PLEKHG1: variants seen among roughly 807,000 people sequenced by gnomAD.
PLEKHG1 encodes the protein pleckstrin homology and RhoGEF domain containing G1, also known as pleckstrin homology domain-containing family G member 1.
PLEKHG1 carries 44 observed loss-of-function variants against 100.8 expected under a neutral mutation model. The observed-to-expected ratio is 0.44, with a 90% confidence interval of 0.34 to 0.56. The LOEUF (loss-of-function observed/expected upper bound fraction) is 0.56, where lower values mean the gene tolerates loss of function less well. PLEKHG1 is among the 20% of genes least tolerant of loss of function. The probability of loss-of-function intolerance (pLI) is 0.01; values close to 1 mark genes in which losing one functional copy is unlikely to be tolerated. For synonymous variants in PLEKHG1, 640 were observed against 662.5 expected, an observed-to-expected ratio of 0.97 and a Z score of 0.52; for missense variants, 1,545 against 1,720.9, an observed-to-expected ratio of 0.90 and a Z score of 1.81.
At chr6:150,696,815 T>C (rs1199708471) in intron 3 of PLEKHG1, among the ~76,000 whole-genome samples, 1 of 152,078 alleles carries the variant, frequency 6.6e-6, no homozygotes, top group African/African-American at 2.4e-5. Flanking sequence ...GCTTTAGAAA[T>C]CAAACTATAG....
At chr6:150,773,416 C>T (rs1465228346) in intron 3 of PLEKHG1, among the ~76,000 whole-genome samples, 1 of 152,184 alleles carries the variant, frequency 6.6e-6, no homozygotes, top group Non-Finnish European at 1.5e-5. Flanking sequence ...TGCCTGTAAT[C>T]CCAGCTACTC....
intron 1 of PLEKHG1, among the ~76,000 whole-genome samples, chr6:150,606,621 T>C (rs1298876588): frequency 6.6e-6 from 1 of 152,254 alleles, no homozygotes; most frequent in East Asian, 1.9e-4. Context: ...ACCTGTTTTC[T>C]GCGCTCACTT....
At chr6:150,819,825 G>T (rs999461510) in intron 12 of PLEKHG1, 51 bp downstream of exon 13, 2 of 1,009,006 alleles carry the variant, frequency 2.0e-6, no homozygotes, top group Admixed American at 1.7e-5. Context: ...GACTGGCAAT[G>T]AAAGTCCCTT....
Position 150,788,730 on chromosome 6 carries a change from A to G in PLEKHG1, c.582+2271A>G, listed in dbSNP as rs937631488. On this transcript the variant is annotated intron_variant, in intron 4 of 15. Coordinates refer to ENST00000358517, the Ensembl canonical transcript of PLEKHG1. ...ACTGGCAGCAAGGCTGACCCAGGGC[A>G]ACGTTTAGGAGGGAGACAAAGTCTG... Among the ~76,000 whole-genome samples the G allele has an allele frequency of 2.6e-5, 4 of 152,286 alleles. No homozygotes were observed. In the South Asian group the frequency reaches 8.3e-4, roughly 32 times the overall value.
At position 150,631,726 on chromosome 6, in the gene PLEKHG1, C is replaced by T. The variant is rs557108679; in HGVS notation, c.-203-6354C>T. ...CTTGCTGGCAACCGCTCCCCACCTA[C>T]AGATGCTTCAGAGCATCCGTAGAGC... is the stretch of plus-strand genomic sequence containing the variant. On this transcript the variant is annotated intron_variant, in intron 1 of 3. Coordinates refer to the PLEKHG1 transcript ENST00000367326. Among the ~76,000 whole-genome samples the T allele has an allele frequency of 4.0e-4, 61 of 152,334 alleles. 2 individuals are homozygous for T. Among genetic ancestry groups the T allele is most frequent in the Middle Eastern group, 3.4e-3 (1 of 294 alleles).
intron 3 of PLEKHG1, among the ~76,000 whole-genome samples, chr6:150,697,280 T>G (rs1780583272): frequency 6.6e-6 from 1 of 152,196 alleles, no homozygotes; most frequent in African/African-American, 2.4e-5. Context: ...TGGTAAAGTT[T>G]CCACTGCTGA....
At chr6:150,813,115 C>T (rs566238032) in intron 10 of PLEKHG1, among the ~76,000 whole-genome samples, 135 of 152,038 alleles carry the variant, frequency 8.9e-4, no homozygotes, top group Admixed American at 2.4e-3. Flanking sequence ...ACCATCCTGG[C>T]TAACACGGTG....
At chr6:150,805,431 G>T (rs1787012908) in intron 7 of PLEKHG1, among the ~76,000 whole-genome samples, 1 of 152,142 alleles carries the variant, frequency 6.6e-6, no homozygotes, top group Non-Finnish European at 1.5e-5. Context: ...TGGTGCGTGG[G>T]TGGTCTTAGG....
intron 2 of PLEKHG1, among the ~76,000 whole-genome samples, chr6:150,758,625 A>G (rs1403141113): frequency 6.6e-6 from 1 of 152,138 alleles, no homozygotes; most frequent in Non-Finnish European, 1.5e-5. Context: ...GTGAGCCACC[A>G]CACCTGGCCA....
At chr6:150,700,316 T>G (rs1371403141) in intron 3 of PLEKHG1, among the ~76,000 whole-genome samples, 1 of 152,182 alleles carries the variant, frequency 6.6e-6, no homozygotes, top group East Asian at 1.9e-4. Flanking sequence ...ATTCCCAAAA[T>G]GTGTCCCCAG....
intron 10 of PLEKHG1, among the ~76,000 whole-genome samples, chr6:150,817,208 A>G (rs1372063197): frequency 1.3e-5 from 2 of 152,182 alleles, no homozygotes; most frequent in Non-Finnish European, 2.9e-5. Flanking sequence ...AGGCTCCCTG[A>G]TCCCACTGTC....
chr6:150,739,382 A>T (rs1357810260), intron 2 of PLEKHG1, among the ~76,000 whole-genome samples: 1 of 152,106 alleles, frequency 6.6e-6, no homozygotes, highest in African/African-American at 2.4e-5. Flanking sequence ...AAGCTAAGTA[A>T]TGGGGCCAGG....
At chr6:150,641,129 A>C (rs1490974594) in intron 2 of PLEKHG1, among the ~76,000 whole-genome samples, 3 of 152,194 alleles carry the variant, frequency 2.0e-5, no homozygotes, top group Non-Finnish European at 2.9e-5. Flanking sequence ...TTATGTAGTG[A>C]AGATATCTTG....
At chr6:150,779,359 T>A (rs1258224331) in intron 3 of PLEKHG1, among the ~76,000 whole-genome samples, 1 of 148,868 alleles carries the variant, frequency 6.7e-6, no homozygotes, top group Non-Finnish European at 1.5e-5. Context: ...TTTTTTTTTT[T>A]TTTTGAGACA....
chr6:150,752,558 C>T (rs747738404), intron 2 of PLEKHG1, among the ~76,000 whole-genome samples: 6 of 152,200 alleles, frequency 3.9e-5, no homozygotes, highest in Admixed American at 6.5e-5. Context: ...CCTTTTGCAG[C>T]TGGCTCATTT....
At chr6:150,777,288 C>T (rs894287249) in intron 3 of PLEKHG1, among the ~76,000 whole-genome samples, 8 of 149,546 alleles carry the variant, frequency 5.3e-5, no homozygotes, top group Non-Finnish European at 8.9e-5. Context: ...GCACATCAGC[C>T]ACACTGATGC....
chr6:150,816,891 G>A (rs1775990407), intron 10 of PLEKHG1, among the ~76,000 whole-genome samples: 1 of 152,160 alleles, frequency 6.6e-6, no homozygotes, highest in African/African-American at 2.4e-5. Context: ...AAGGAGTGCT[G>A]CAACCTAGAT....
At chr6:150,631,585 A>C (rs549245999) in intron 1 of PLEKHG1, among the ~76,000 whole-genome samples, 304 of 152,382 alleles carry the variant, frequency 2.0e-3, no homozygotes, top group African/African-American at 6.5e-3. Flanking sequence ...AACACTGTGC[A>C]GTTCAGTTAC....
At chr6:150,717,476 G>A (rs912519819), upstream of PLEKHG1, among the ~76,000 whole-genome samples, 4 of 152,084 alleles carry the variant, frequency 2.6e-5, no homozygotes, top group Non-Finnish European at 2.9e-5. Flanking sequence ...CACCACGCCC[G>A]GCCTGGGAAG....
Sources: gnomAD v4.1 joint callset for allele counts (sites outside exome capture counted in the v4.1 genomes callset) on GRCh38, gnomAD v4.1.1 for gene constraint, MANE v1.5 for transcripts, NCBI Gene and HGNC (gene_info 2026-07-23, HGNC 2026-07-21) for gene names.